Variants in KIF6 observed in about 807,000 individuals in gnomAD.
KIF6 encodes kinesin family member 6.
KIF6 carries 106 observed loss-of-function variants against 112.7 expected under a neutral mutation model. That is an observed-to-expected ratio of 0.94 (90% CI 0.80 to 1.11). The LOEUF is 1.11. Ranked by LOEUF, KIF6 falls within the 50% of genes least tolerant of loss-of-function variation. The pLI is 0.00. For synonymous variants in KIF6, 339 were observed against 339.9 expected (o/e 1.00, Z 0.03); for missense variants, 929 against 964.0 (o/e 0.96, Z 0.48).
intron 13 of KIF6, among the ~76,000 whole-genome samples, chr6:39,444,945 A>T (rs1309822780): frequency 6.6e-6 from 1 of 152,130 alleles, no homozygotes; most frequent in Non-Finnish European, 1.5e-5. Flanking sequence ...TAGGGAAGGC[A>T]CCAGACACCT....
intron 20 of KIF6, among the ~76,000 whole-genome samples, chr6:39,346,163 T>TCTC (rs1763789592): frequency 1.1e-5 from 1 of 94,694 alleles, no homozygotes; most frequent in African/African-American, 4.4e-5. Flanking sequence ...CTCTCTCTCT[T>TCTC]TCTCTCCTAT....
intron 13 of KIF6, among the ~76,000 whole-genome samples, chr6:39,483,644 C>A (rs1184894030): frequency 6.6e-6 from 1 of 152,098 alleles, no homozygotes; most frequent in East Asian, 1.9e-4. Flanking sequence ...TAAAGTTTGA[C>A]CCTAACAGTA....
chr6:39,684,748 C>T (rs992675952), intron 3 of KIF6, among the ~76,000 whole-genome samples: 1 of 151,408 alleles, frequency 6.6e-6, no homozygotes, highest in Non-Finnish European at 1.5e-5. Flanking sequence ...TGAGATTGGA[C>T]CACTTCACTC....
chr6:39,600,645 G>A (rs9296302), intron 6 of KIF6, among the ~76,000 whole-genome samples: 26,552 of 151,874 alleles, frequency 0.17, 2,557 homozygotes, highest in Admixed American at 0.27. Flanking sequence ...CTTCTCTATC[G>A]CTTTTTCCTT....
At chr6:39,526,988 T>G (rs1459921829) in intron 13 of KIF6, among the ~76,000 whole-genome samples, 1 of 152,244 alleles carries the variant, frequency 6.6e-6, no homozygotes, top group Non-Finnish European at 1.5e-5. Context: ...TTTCTCTGGT[T>G]GCTTTATGAG....
rs761338216 is a variant in KIF6, at chr6:39,544,619, T to G, written c.1362A>C (p.Glu454Asp). The G allele has an allele frequency of 2.5e-6, 4 of 1,612,380 alleles. No homozygotes were observed. The highest frequency in any genetic ancestry group is 3.4e-6 in the Non-Finnish European group (4 of 1,178,826). Reference protein sequence around the residue: ...SSESKDQDCQEPLKEEEYRKL... With the variant: ...SSESKDQDCQDPLKEEEYRKL... ...TTCTATATTCTTCTTCTTTTAATGG[T>G]TCTTGACAATCTTGGTCTTTGCTTT... Residue 454 changes from glutamate (E) to aspartate (D), a missense_variant, in exon 12 of 23, where the codon GAA (glutamate) becomes GAC (aspartate). This residue lies in a region of KIF6 where 688 missense variants were observed against 662.7 expected (regional missense o/e 1.04). Transcript: ENST00000287152.
intron 6 of KIF6, among the ~76,000 whole-genome samples, chr6:39,603,585 T>G (rs146895561): frequency 2.0e-5 from 3 of 151,844 alleles, no homozygotes; most frequent in Non-Finnish European, 2.9e-5. Context: ...TTTTTAGTAA[T>G]GATAATTCTG....
chr6:39,430,100 G>A (rs1398068914), intron 14 of KIF6, among the ~76,000 whole-genome samples: 3 of 151,948 alleles, frequency 2.0e-5, no homozygotes, highest in Non-Finnish European at 2.9e-5. Flanking sequence ...TCTTGGAGCC[G>A]GCTCTCCTCT....
chr6:39,369,715 G>C lies in KIF6; in HGVS notation c.1862-7197C>G, dbSNP rs551691328. Among the ~76,000 whole-genome samples, 6 of 152,274 alleles carry C rather than the reference G, an allele frequency of 3.9e-5. No individual in the cohort carries two copies. The East Asian group carries it at 1.2e-3, about 29-fold the overall frequency. On this transcript the variant is annotated intron_variant, in intron 16 of 22. Transcript: ENST00000287152. The stretch of plus-strand genomic sequence containing the variant: ...GGTCAGCGTGTACTAGGGTCAGTCG[G>C]CAATATAAAGGAGACCCTAGGGCCA...
intron 7 of KIF6, 66 bp from the exon 8 acceptor site, chr6:39,586,470 A>G (rs770410874): frequency 1.8e-5 from 23 of 1,274,356 alleles, no homozygotes; most frequent in Non-Finnish European, 2.6e-5. Flanking sequence ...CAAACAACAG[A>G]GCTTCAATAG....
At chr6:39,619,912 T>C (rs756210072) in intron 5 of KIF6, among the ~76,000 whole-genome samples, 2 of 152,190 alleles carry the variant, frequency 1.3e-5, no homozygotes, top group Admixed American at 1.3e-4. Flanking sequence ...TTGATAAGAA[T>C]ATCTTTCTGT....
At chr6:39,680,010 T>TTTTG (rs1420961317) in intron 3 of KIF6, among the ~76,000 whole-genome samples, 8 of 151,666 alleles carry the variant, frequency 5.3e-5, no homozygotes, top group Middle Eastern at 3.4e-3. Context: ...TAGTTAGTTT[T>TTTTG]TTTGTTTGTT....
At chr6:39,507,958 C>A (rs1244180269) in intron 13 of KIF6, among the ~76,000 whole-genome samples, 2 of 100,280 alleles carry the variant, frequency 2.0e-5, no homozygotes, top group Non-Finnish European at 3.8e-5. Flanking sequence ...CACCCCTTCC[C>A]CTTCCTCCTC....
chr6:39,478,096 T>C (rs1353076851), intron 13 of KIF6, among the ~76,000 whole-genome samples: 1 of 152,194 alleles, frequency 6.6e-6, no homozygotes, highest in African/African-American at 2.4e-5. Flanking sequence ...TTTGGTTACA[T>C]GAGTAAGTTC....
chr6:39,594,739 T>C (rs1782153475), intron 7 of KIF6, among the ~76,000 whole-genome samples: 1 of 152,230 alleles, frequency 6.6e-6, no homozygotes, highest in Non-Finnish European at 1.5e-5. Flanking sequence ...TTTTATTTTT[T>C]TCCCCTCTAA....
intron 16 of KIF6, among the ~76,000 whole-genome samples, chr6:39,385,015 C>T (rs1767288830): frequency 6.6e-6 from 1 of 152,200 alleles, no homozygotes; most frequent in Non-Finnish European, 1.5e-5. Context: ...ATTCTTCATG[C>T]GTTAAAGCGG....
At chr6:39,699,559 C>T (rs1475857708) in intron 3 of KIF6, among the ~76,000 whole-genome samples, 1 of 152,112 alleles carries the variant, frequency 6.6e-6, no homozygotes, top group Admixed American at 6.6e-5. Context: ...TGGAAGCTGG[C>T]CTTTTTGGCA....
At chr6:39,547,458 A>G (rs539646477) in intron 10 of KIF6, among the ~76,000 whole-genome samples, 2 of 152,312 alleles carry the variant, frequency 1.3e-5, no homozygotes, top group East Asian at 3.9e-4. Flanking sequence ...AAATCATGTA[A>G]ATTATTATGA....
intron 3 of KIF6, among the ~76,000 whole-genome samples, chr6:39,712,137 A>G (rs1314126637): frequency 6.6e-6 from 1 of 152,192 alleles, no homozygotes; most frequent in Non-Finnish European, 1.5e-5. Context: ...GCGATCATAA[A>G]AAAGATAAAC....
Sources: gnomAD v4.1 joint callset for allele counts (sites outside exome capture counted in the v4.1 genomes callset) on GRCh38, gnomAD v4.1.1 for gene constraint, gnomAD v4.1.1 regional missense constraint, MANE v1.5 for transcripts, NCBI Gene and HGNC (gene_info 2026-07-23, HGNC 2026-07-21) for gene names.